SPTBN5: variants seen among roughly 807,000 people sequenced by gnomAD.
SPTBN5 encodes the protein spectrin beta chain, non-erythrocytic 5.
In SPTBN5, 513 loss-of-function variants were observed where a neutral mutation model predicts 477.6. The ratio of observed to expected loss-of-function variants is 1.07; its 90% confidence interval spans 1.00 to 1.16. SPTBN5 has a LOEUF of 1.16. SPTBN5 is among the 50% of genes most tolerant of loss of function. The pLI, the probability that SPTBN5 is intolerant of heterozygous loss-of-function variation, is 0.00. For synonymous variants in SPTBN5, 2,169 were observed against 2,011.7 expected, an observed-to-expected ratio of 1.08 and a Z score of -2.09; for missense variants, 5,062 against 4,731.8, an observed-to-expected ratio of 1.07 and a Z score of -2.05.
intron 60 of SPTBN5, 42 bp downstream of exon 60, chr15:41,852,782 C>A: frequency 6.4e-7 from 1 of 1,560,298 alleles, no homozygotes; most frequent in Non-Finnish European, 8.8e-7. Flanking sequence ...GGGGGGGGGC[C>A]CAGAGCCTGG....
chr15:41,862,357 G>A, intron 43 of SPTBN5, 65 bp from the exon 44 acceptor site: 1 of 1,541,388 alleles, frequency 6.5e-7, no homozygotes, highest in Non-Finnish European at 8.7e-7. Flanking sequence ...GCCCACTGGT[G>A]TCTTCTGTCC....
chr15:41,884,781 A>G (rs940333528), intron 7 of SPTBN5, among the ~76,000 whole-genome samples: 1 of 151,964 alleles, frequency 6.6e-6, no homozygotes, highest in Non-Finnish European at 1.5e-5. Context: ...CCCTGACCTC[A>G]GCTCCTGCCA....
Position 41,879,792 on chromosome 15 carries a change from G to C in SPTBN5, c.2884C>G (p.Gln962Glu). The C allele has an allele frequency of 6.2e-7, 1 of 1,613,958 alleles. No individual in the cohort carries two copies. The highest frequency in any genetic ancestry group is 8.5e-7 in the Non-Finnish European group (1 of 1,179,840). The change falls in exon 15 of 68, where the codon CAG (glutamine) becomes GAG (glutamate). Residue 962 changes from glutamine to glutamate, a missense_variant. Physicochemically the swap from Gln to Glu is conservative, Grantham distance 29. Coordinates refer to ENST00000320955, the MANE Select transcript of SPTBN5 (RefSeq NM_016642.4). ...TGTGTGGAGTTCCCAGGATATCTCTGCCTCAGTTGCTCAGCAGAGCTGCTG... is the reference window on the plus strand; with the variant it reads ...TGTGTGGAGTTCCCAGGATATCTCTCCCTCAGTTGCTCAGCAGAGCTGCTG... ...EVSSSAEQLR[Q>E]RYPGNSTQIQ...
At position 41,848,459 on chromosome 15, in the gene SPTBN5, AC is replaced by A. The variant is rs2065628432; in HGVS notation, c.*156del. 1.2e-6 allele frequency: 1 copy of A among 838,572 alleles called. No homozygotes were observed. Among genetic ancestry groups the A allele is most frequent in the South Asian group, 1.4e-5 (1 of 70,312 alleles). The allele number at this position is 838,572 out of a possible 1,614,324, so 51.9% of individuals were successfully genotyped here. A position where few individuals can be genotyped will look rare whatever the true frequency, so the allele number is the denominator to read the frequency against. On this transcript the variant is annotated 3_prime_UTR_variant, in exon 68 of 68. Coordinates refer to ENST00000320955, the MANE Select transcript of SPTBN5 (RefSeq NM_016642.4). ...CCTGCCACATGGTAGGACCCATCTA[AC>A]CAGAAGGAACTGTCTATTCCAGAAG... is the stretch of plus-strand genomic sequence containing the variant.
intron 6 of SPTBN5, 128 bp downstream of exon 6, chr15:41,887,085 G>T (rs2067177313): frequency 2.5e-6 from 2 of 785,466 alleles, no homozygotes; most frequent in African/African-American, 3.4e-5. Context: ...CCATGTGATA[G>T]AGGGTGCACA....
chr15:41,881,275 A>C, intron 12 of SPTBN5, 41 bp from the exon 13 acceptor site: 1 of 1,539,096 alleles, frequency 6.5e-7, no homozygotes, highest in South Asian at 1.2e-5. Context: ...CGACCCCATC[A>C]AGCAGCAGGG....
rs369750243 is a variant in SPTBN5 at position 41,876,659 on chromosome 15, G to A, written c.3852-12C>T. 3.9e-4 allele frequency: 572 copies of A among 1,456,350 alleles called. 9 individuals are homozygous for A. The South Asian group carries it at 6.1e-3, about 16-fold the overall frequency. 90.2% of individuals were successfully genotyped at this position (1,456,350 alleles called of 1,614,324 possible). On this transcript the variant is annotated splice_polypyrimidine_tract_variant and intron_variant, in intron 19 of 67. Coordinates refer to ENST00000320955, the MANE Select transcript of SPTBN5 (RefSeq NM_016642.4). ...GCTGCTCTCTGACCCTGGAGGGCGG[G>A]GGGGGGTTGGAGGAGGGCATGGGAG...
chr15:41,887,830 C>T (rs1039870139), intron 5 of SPTBN5, 98 bp downstream of exon 5: 4 of 1,277,660 alleles, frequency 3.1e-6, no homozygotes, highest in Non-Finnish European at 4.3e-6. Flanking sequence ...TTCCCTCCTT[C>T]AAGCCTAGGG....
At chr15:41,877,966 G>A (rs1208526321) in intron 17 of SPTBN5, among the ~76,000 whole-genome samples, 8 of 152,196 alleles carry the variant, frequency 5.3e-5, no homozygotes, top group Non-Finnish European at 8.8e-5. Context: ...AGACCCGTGG[G>A]TGGGTCCTGA....
rs752542058 is a variant in SPTBN5 at position 41,890,203 on chromosome 15, C to T, written c.387G>A (p.Val129=). 9 of 1,606,496 alleles carry T rather than the reference C, an allele frequency of 5.6e-6. No individual in the cohort carries two copies. The Admixed American group carries it at 1.5e-4, about 27-fold the overall frequency. The change falls in exon 4 of 68, where the codon GTG becomes GTA. Residue 129 remains valine (V), a splice_region_variant and synonymous_variant. Coordinates refer to ENST00000320955, the MANE Select transcript of SPTBN5 (RefSeq NM_016642.4). The part of the protein sequence containing the change: ...SRALAFLRAK[V]PVPLIGPENI... The stretch of plus-strand genomic sequence containing the variant: ...TCTCTGGCCCGATGAGTGGTACTGG[C>T]ACCTGTGGGCACAGTTGGATGGGCT...
Position 41,852,273 on chromosome 15 carries a change from C to G in SPTBN5, c.10493G>C (p.Gly3498Ala). Reference sequence around the variant, plus strand: ...GGATGTCAGCGAGCTGCCAGCTCTCCCGGGCTTCAGCTCCTGTGGCTGCAG... The same window carrying G: ...GGATGTCAGCGAGCTGCCAGCTCTCGCGGGCTTCAGCTCCTGTGGCTGCAG... ...LLLQPQELKP[G>A]RAGSSLTSFQ... is the part of the protein sequence containing the mutation. The change falls in exon 62 of 68, where the codon GGG becomes GCG. Residue 3498 changes from glycine (G) to alanine (A), a missense_variant. Gly to Ala is a moderately conservative substitution (Grantham distance 60). Coordinates refer to ENST00000320955, the MANE Select transcript of SPTBN5 (RefSeq NM_016642.4). 1 of 1,604,854 alleles carries G rather than the reference C, an allele frequency of 6.2e-7. No homozygotes were observed. Among genetic ancestry groups the G allele is most frequent in the Non-Finnish European group, 8.5e-7 (1 of 1,175,726 alleles).
Position 41,879,347 on chromosome 15 carries a change from T to C in SPTBN5, c.3095A>G (p.Glu1032Gly). 6.2e-7 allele frequency: 1 copy of C among 1,609,568 alleles called. No homozygotes were observed. The highest frequency in any genetic ancestry group is 8.5e-7 in the Non-Finnish European group (1 of 1,179,716). Residue 1032 changes from glutamate (E) to glycine (G), a missense_variant, in exon 16 of 68, where the codon GAG (glutamate) becomes GGG (glycine). Physicochemically the swap from Glu to Gly is moderately conservative, Grantham distance 98 (BLOSUM62 -2). Transcript: ENST00000320955. ...CAGCTGCAGGGCGTGGCAGGTGTCC[T>C]CTGAGCTCCCTGGCTGCAGGGCCTC... ...QLEALQPGSS[E>G]DTCHALQLAQ...
At position 41,873,954 on chromosome 15, in the gene SPTBN5, G is replaced by T. The variant is rs1320717702; in HGVS notation, c.4781C>A (p.Ala1594Asp). 1.9e-6 allele frequency: 3 copies of T among 1,608,966 alleles called. No homozygotes were observed. Among genetic ancestry groups the T allele is most frequent in the East Asian group, 4.5e-5 (2 of 44,880 alleles). ...RSLAASGHPQ[A>D]QHIVEQCQEL... ...CTGGCACTGCTCCACGATGTGTTGG[G>T]CTTGGGGGTGCCCTGAGGCTGCCAG... Residue 1594 changes from alanine (A) to aspartate (D), a missense_variant, in exon 25 of 68, where the codon GCC (alanine) becomes GAC (aspartate). By Grantham distance (126) the Ala-to-Asp change is moderately radical. Transcript: ENST00000320955.
rs745447093 is a variant in SPTBN5, at chr15:41,876,998, C to T, written c.3712-50G>A. 1.0e-5 allele frequency: 16 copies of T among 1,571,646 alleles called. No homozygotes were observed. In the African/African-American group the frequency reaches 1.8e-4, roughly 17 times the overall value. On this transcript the variant is annotated intron_variant, in intron 18 of 67. Transcript: ENST00000320955. ...ATGCCTGGGAGAATGGGGGTCAGGA[C>T]CATCTCACCCGCCACTGCCCCAGGG...
chr15:41,870,402 G>C, intron 30 of SPTBN5, 44 bp downstream of exon 30: 2 of 1,608,920 alleles, frequency 1.2e-6, no homozygotes, highest in Non-Finnish European at 1.7e-6. Context: ...CGTGGGCACT[G>C]AGCCTGGAGT....
Position 41,853,329 on chromosome 15 carries a change from G to A in SPTBN5, c.10099C>T (p.Arg3367Cys), listed in dbSNP as rs756459682. 5.6e-6 allele frequency: 9 copies of A among 1,612,642 alleles called. No individual in the cohort carries two copies. Among genetic ancestry groups the A allele is most frequent in the South Asian group, 3.3e-5 (3 of 91,074 alleles). The change falls in exon 59 of 68, where the codon CGC (arginine) becomes TGC (cysteine). Residue 3367 changes from arginine to cysteine, a missense_variant. Arg to Cys is a radical substitution (Grantham distance 180). Transcript: ENST00000320955. ...TGCCGCAGGTCCTGGGCTTGAAGGC[G>A]GCACTCCCTGATTTCTTGCCCCAGC... ...EELGQEIREC[R>C]LQAQDLRQEG...
At position 41,883,130 on chromosome 15, in the gene SPTBN5, T is replaced by A; in HGVS notation, c.1758A>T (p.Gly586=). ...DLLEAQVSAH[G]AHVSHLAQQT... ...GCTGAGCAAGATGGCTCACATGGGCTCCGTGGGCCGAGACTTGAGCCTCCA... is the reference window on the plus strand; with the variant it reads ...GCTGAGCAAGATGGCTCACATGGGCACCGTGGGCCGAGACTTGAGCCTCCA... The change falls in exon 9 of 68, where the codon GGA becomes GGT. Residue 586 remains glycine (G), a synonymous_variant. Transcript: ENST00000320955. 6.2e-7 allele frequency: 1 copy of A among 1,612,488 alleles called. No individual in the cohort carries two copies. Among genetic ancestry groups the A allele is most frequent in the Non-Finnish European group, 8.5e-7 (1 of 1,179,660 alleles).
Position 41,858,934 on chromosome 15 carries a change from C to T in SPTBN5, c.8035G>A (p.Glu2679Lys), listed in dbSNP as rs747535349. ...RQAGTRRHRL[E>K]ELRQLQAFLQ... is the part of the protein sequence containing the mutation. ...AAGGCCTGCAGCTGCCGGAGCTCCTCCAGGCGATGGCGGCGGGTCCCGGCT... is the reference window on the plus strand; with the variant it reads ...AAGGCCTGCAGCTGCCGGAGCTCCTTCAGGCGATGGCGGCGGGTCCCGGCT... Residue 2679 changes from glutamate to lysine, a missense_variant, in exon 48 of 68, where the codon GAG becomes AAG. Glu to Lys is a moderately conservative substitution (Grantham distance 56, BLOSUM62 1). Transcript: ENST00000320955. 25 of 1,595,772 alleles carry T rather than the reference C, an allele frequency of 1.6e-5. No individual in the cohort carries two copies. The Admixed American group carries it at 4.3e-4, about 27-fold the overall frequency.
In SPTBN5 at chr15:41,865,921, G is replaced by A. The variant is rs1018107011; in HGVS notation, c.6823-18C>T. On this transcript the variant is annotated intron_variant, in intron 38 of 67. Transcript: ENST00000320955. ...TTCACCTCCTGTGAAGGCCGAGGGTGGGGAGGGAGCGCTGTGAGCACCAGC... is the reference window on the plus strand; with the variant it reads ...TTCACCTCCTGTGAAGGCCGAGGGTAGGGAGGGAGCGCTGTGAGCACCAGC... The A allele has an allele frequency of 1.1e-5, 17 of 1,559,018 alleles. No individual in the cohort carries two copies. The East Asian group carries it at 2.4e-4, about 22-fold the overall frequency.
Sources: allele counts gnomAD v4.1 joint callset (sites outside exome capture counted in the v4.1 genomes callset), GRCh38; gene constraint gnomAD v4.1.1; transcripts MANE v1.5; gene names NCBI Gene and HGNC (gene_info 2026-07-23, HGNC 2026-07-21).